Variants in DYRK1A observed in about 807,000 individuals in gnomAD.
DYRK1A encodes the protein dual specificity tyrosine-phosphorylation-regulated kinase 1A.
Under a neutral mutation model 79.7 loss-of-function variants are expected in DYRK1A, and 9 were observed. The observed-to-expected ratio is 0.11, with a 90% confidence interval of 0.07 to 0.20. DYRK1A has a LOEUF of 0.20. DYRK1A is among the 10% of genes least tolerant of loss of function. DYRK1A has a pLI of 1.00. For missense variants in DYRK1A, 622 were observed against 956.0 expected, an observed-to-expected ratio of 0.65 and a Z score of 4.61; for synonymous variants, 349 against 329.7, an observed-to-expected ratio of 1.06 and a Z score of -0.63.
chr21:37,449,922 T>C (rs921469537), intron 2 of DYRK1A, among the ~76,000 whole-genome samples: 1 of 152,088 alleles, frequency 6.6e-6, no homozygotes, highest in Non-Finnish European at 1.5e-5. Flanking sequence ...TGTTAACCCA[T>C]AGAATTAATT....
At chr21:37,421,564 G>T (rs2050477122) in intron 2 of DYRK1A, among the ~76,000 whole-genome samples, 1 of 152,098 alleles carries the variant, frequency 6.6e-6, no homozygotes, top group Non-Finnish European at 1.5e-5. Context: ...ATGCACACAG[G>T]CTTGCACATG....
chr21:37,403,664 T>TGG (rs2050098907), intron 1 of DYRK1A, among the ~76,000 whole-genome samples: 1 of 34,788 alleles, frequency 2.9e-5, no homozygotes, highest in South Asian at 1.2e-3. Context: ...TATATATATA[T>TGG]GTGTGTGTGT....
rs1442854350 is a variant in DYRK1A, at chr21:37,367,337, G to T, written c.-368G>T. ...CCGCTCGGCGCCCGGCCTCGCCGAC[G>T]CCGCCCTCTGCGCCGGGCCGGCCGT... On this transcript the variant is annotated 5_prime_UTR_variant, in exon 1 of 12. Coordinates refer to ENST00000647188, the MANE Select transcript of DYRK1A (RefSeq NM_001347721.2). 3.8e-5 allele frequency: 3 copies of T among 79,880 alleles called. No individual in the cohort carries two copies. Among genetic ancestry groups the T allele is most frequent in the African/African-American group, 5.1e-5 (1 of 19,740 alleles). The allele number at this position is 79,880 out of a possible 1,614,324, so 4.9% of individuals were successfully genotyped here.
chr21:37,457,835 A>AT (rs558435554), intron 2 of DYRK1A, among the ~76,000 whole-genome samples: 3 of 152,106 alleles, frequency 2.0e-5, no homozygotes, highest in Admixed American at 1.3e-4. Context: ...GAAAAAGTTA[A>AT]TTTTTTTCCC....
chr21:37,472,509 C>T lies in DYRK1A; in HGVS notation c.11-175C>T, dbSNP rs16995167. Reference sequence around the variant, plus strand: ...ATTCATTTTAATCACTATGGATCTTCTATACCATTAAAAACATAACTGTTG... The same window carrying T: ...ATTCATTTTAATCACTATGGATCTTTTATACCATTAAAAACATAACTGTTG... On this transcript the variant is annotated intron_variant, in intron 2 of 11. Coordinates refer to ENST00000647188, the MANE Select transcript of DYRK1A (RefSeq NM_001347721.2). 0.064 allele frequency among the ~76,000 whole-genome samples: 9,727 copies of T among 152,162 alleles called. 1,038 individuals carry two copies. Among genetic ancestry groups the T allele is most frequent in the African/African-American group, 0.22 (9,063 of 41,482 alleles).
chr21:37,488,602 T>A, intron 6 of DYRK1A: 4 of 985,376 alleles, frequency 4.1e-6, no homozygotes, highest in Non-Finnish European at 4.8e-6. Context: ...TTAAAAAGAC[T>A]GAACAAATAT....
At chr21:37,473,774 T>C (rs1569355965) in intron 3 of DYRK1A, among the ~76,000 whole-genome samples, 2 of 152,172 alleles carry the variant, frequency 1.3e-5, no homozygotes, top group South Asian at 2.1e-4. Flanking sequence ...GTTTAAAATA[T>C]ACAACATGTT....
intron 8 of DYRK1A, among the ~76,000 whole-genome samples, chr21:37,494,818 CG>C (rs1569383542): frequency 2.6e-5 from 4 of 151,734 alleles, no homozygotes; most frequent in Admixed American, 2.6e-4. Flanking sequence ...TGTGGTGTTG[CG>C]TGCCTGTAAT....
At chr21:37,376,917 T>C (rs1327817235) in intron 1 of DYRK1A, among the ~76,000 whole-genome samples, 2 of 152,182 alleles carry the variant, frequency 1.3e-5, no homozygotes, top group Non-Finnish European at 2.9e-5. Flanking sequence ...ACCAGAAATG[T>C]ATGCATGTGT....
At chr21:37,441,152 C>T (rs1463612095) in intron 2 of DYRK1A, among the ~76,000 whole-genome samples, 2 of 152,140 alleles carry the variant, frequency 1.3e-5, no homozygotes, top group African/African-American at 2.4e-5. Flanking sequence ...AAATAACTTT[C>T]ATCTCGTGAT....
intron 1 of DYRK1A, among the ~76,000 whole-genome samples, chr21:37,370,073 T>G (rs1211059892): frequency 6.6e-6 from 1 of 152,204 alleles, no homozygotes; most frequent in Non-Finnish European, 1.5e-5. Flanking sequence ...AGTTACTGTT[T>G]ATGACTTAAA....
rs1388573936 is a variant in DYRK1A at position 37,526,098 on chromosome 21, A to G, written c.*13567A>G. The G allele has an allele frequency of 6.6e-6, 1 of 152,200 alleles. No individual in the cohort carries two copies. Among genetic ancestry groups the G allele is most frequent in the African/African-American group, 2.4e-5 (1 of 41,450 alleles). 9.4% of individuals were successfully genotyped at this position (152,200 alleles called of 1,614,324 possible). Reference sequence around the variant, plus strand: ...CTTTAAGCTCTTCCCATGTTGTTAAAAGTTAAAAAAAGAAGAGCTCCATTC... The same window carrying G: ...CTTTAAGCTCTTCCCATGTTGTTAAGAGTTAAAAAAAGAAGAGCTCCATTC... On this transcript the variant is annotated 3_prime_UTR_variant, in exon 12 of 12. Transcript: ENST00000647188.
intron 11 of DYRK1A, among the ~76,000 whole-genome samples, chr21:37,510,221 A>G (rs967536164): frequency 6.6e-6 from 1 of 152,228 alleles, no homozygotes; most frequent in Non-Finnish European, 1.5e-5. Flanking sequence ...TATAATTTTG[A>G]TAACTATTGC....
At chr21:37,397,176 G>A (rs2049972707) in intron 1 of DYRK1A, among the ~76,000 whole-genome samples, 1 of 152,160 alleles carries the variant, frequency 6.6e-6, no homozygotes, top group Non-Finnish European at 1.5e-5. Flanking sequence ...GAGCCTGGGA[G>A]GTATAACCTA....
At chr21:37,471,769 T>G (rs8130503) in intron 2 of DYRK1A, among the ~76,000 whole-genome samples, 10,804 of 152,196 alleles carry the variant, frequency 0.071, 1,279 homozygotes, top group African/African-American at 0.25. Context: ...ATTTTGCTAC[T>G]GAGCGTTATG....
chr21:37,411,752 GA>G (rs1479486198), intron 1 of DYRK1A, among the ~76,000 whole-genome samples: 1 of 152,102 alleles, frequency 6.6e-6, no homozygotes, highest in African/African-American at 2.4e-5. Context: ...AAAATTTAGA[GA>G]ATACAGATAA....
chr21:37,386,927 C>T (rs2049772302), intron 1 of DYRK1A, among the ~76,000 whole-genome samples: 1 of 152,186 alleles, frequency 6.6e-6, no homozygotes, highest in Non-Finnish European at 1.5e-5. Context: ...GGAACACGCC[C>T]TGGATTCAGG....
intron 2 of DYRK1A, among the ~76,000 whole-genome samples, chr21:37,458,320 GTAT>G (rs898874261): frequency 1.7e-5 from 2 of 121,042 alleles, no homozygotes; most frequent in Non-Finnish European, 3.6e-5. Context: ...ATATACATAT[GTAT>G]TATATTTTAA....
At chr21:37,505,638 T>C (rs2053573673) in intron 10 of DYRK1A, 49 bp downstream of exon 10, 1 of 1,506,872 alleles carries the variant, frequency 6.6e-7, no homozygotes, top group East Asian at 2.3e-5. Context: ...TTGTGTTTTC[T>C]TTATGAAGTG....
Sources: gnomAD v4.1 joint callset for allele counts (sites outside exome capture counted in the v4.1 genomes callset) on GRCh38, gnomAD v4.1.1 for gene constraint, MANE v1.5 for transcripts, NCBI Gene and HGNC (gene_info 2026-07-23, HGNC 2026-07-21) for gene names.